ESRRG: variants seen among roughly 807,000 people sequenced by gnomAD.
ESRRG encodes estrogen related receptor gamma.
A neutral mutation model predicts 44.0 loss-of-function variants in ESRRG; 13 were observed. That is an observed-to-expected ratio of 0.30 (90% CI 0.19 to 0.47). The LOEUF is 0.47. Ranked by LOEUF, ESRRG falls within the 20% of genes least tolerant of loss-of-function variation. The probability of loss-of-function intolerance (pLI) is 1.00; values close to 1 mark genes in which losing one functional copy is unlikely to be tolerated. For missense variants in ESRRG, 395 were observed against 580.6 expected, an observed-to-expected ratio of 0.68 and a Z score of 3.29; for synonymous variants, 215 against 214.6, an observed-to-expected ratio of 1.00 and a Z score of -0.02.
chr1:216,976,719 C>T (rs1015344272), intron 1 of ESRRG, among the ~76,000 whole-genome samples: 1 of 151,946 alleles, frequency 6.6e-6, no homozygotes, highest in African/African-American at 2.4e-5. Context: ...ATTTTTATTA[C>T]CCTTCAGTGA....
intron 1 of ESRRG, among the ~76,000 whole-genome samples, chr1:216,712,759 G>A (rs889358604): frequency 1.3e-5 from 2 of 152,078 alleles, no homozygotes; most frequent in African/African-American, 2.4e-5. Flanking sequence ...TGAAACCTTT[G>A]AGCAACAGCT....
chr1:217,061,632 G>C (rs2088524888), intron 1 of ESRRG, among the ~76,000 whole-genome samples: 1 of 152,100 alleles, frequency 6.6e-6, no homozygotes, highest in East Asian at 1.9e-4. Context: ...CTCCAAGATA[G>C]TTTCTTTATT....
chr1:216,865,889 T>C (rs866661172), intron 2 of ESRRG, among the ~76,000 whole-genome samples: 10 of 152,318 alleles, frequency 6.6e-5, no homozygotes, highest in African/African-American at 2.2e-4. Context: ...ACATTCTTTT[T>C]TCCTATATTG....
chr1:216,676,454 A>G (rs1030208248), intron 2 of ESRRG, among the ~76,000 whole-genome samples: 6 of 152,168 alleles, frequency 3.9e-5, no homozygotes, highest in Non-Finnish European at 7.3e-5. Flanking sequence ...ATCCAACCAT[A>G]AGGAAAAAAG....
intron 2 of ESRRG, among the ~76,000 whole-genome samples, chr1:216,781,836 G>T (rs1372369156): frequency 3.3e-5 from 5 of 151,998 alleles, no homozygotes; most frequent in Non-Finnish European, 5.9e-5. Flanking sequence ...GTAGCAGGCA[G>T]ATTGGCCAGT....
upstream of ESRRG, among the ~76,000 whole-genome samples, chr1:216,723,858 C>G (rs1049929311): frequency 2.6e-5 from 4 of 152,048 alleles, no homozygotes; most frequent in African/African-American, 9.7e-5. Context: ...AGAACTCACG[C>G]AGACTCTCAG....
intron 1 of ESRRG, among the ~76,000 whole-genome samples, chr1:216,955,259 T>G (rs577230258): frequency 1.3e-5 from 2 of 152,278 alleles, no homozygotes; most frequent in African/African-American, 4.8e-5. Flanking sequence ...AACTCAATAC[T>G]TTTAATCTCC....
chr1:216,899,631 T>C (rs2058831618), intron 2 of ESRRG, among the ~76,000 whole-genome samples: 1 of 152,204 alleles, frequency 6.6e-6, no homozygotes, highest in African/African-American at 2.4e-5. Context: ...GTGGCAGTTA[T>C]AGGGGCTCTG....
At chr1:216,937,928 T>C (rs963347705) in intron 2 of ESRRG, among the ~76,000 whole-genome samples, 2 of 149,988 alleles carry the variant, frequency 1.3e-5, no homozygotes, top group African/African-American at 5.0e-5. Flanking sequence ...TTTTTTTTTT[T>C]CTTTACGTAC....
intron 2 of ESRRG, among the ~76,000 whole-genome samples, chr1:216,809,151 T>C (rs914829308): frequency 6.6e-6 from 1 of 152,116 alleles, no homozygotes; most frequent in Non-Finnish European, 1.5e-5. Context: ...TTGCCAATGT[T>C]AGTGATAAGT....
chr1:216,644,016 G>A (rs1397056921), intron 3 of ESRRG, among the ~76,000 whole-genome samples: 3 of 152,106 alleles, frequency 2.0e-5, no homozygotes, highest in South Asian at 2.1e-4. Context: ...ATACAGGAAG[G>A]TCCTAGGCAT....
chr1:217,042,642 G>A (rs961160937), intron 1 of ESRRG, among the ~76,000 whole-genome samples: 18 of 151,812 alleles, frequency 1.2e-4, no homozygotes, highest in African/African-American at 1.9e-4. Flanking sequence ...AAACAGTATC[G>A]GTATAAGTGT....
chr1:217,084,375 A>T (rs2091953191), intron 1 of ESRRG, among the ~76,000 whole-genome samples: 1 of 152,194 alleles, frequency 6.6e-6, no homozygotes, highest in African/African-American at 2.4e-5. Flanking sequence ...AAATTTGCTT[A>T]CAACCTATAA....
chr1:216,767,432 T>C (rs1249434950), intron 2 of ESRRG, among the ~76,000 whole-genome samples: 1 of 152,134 alleles, frequency 6.6e-6, no homozygotes, highest in Non-Finnish European at 1.5e-5. Context: ...GCAATGTTTA[T>C]CATGGGTTAT....
chr1:216,716,260 AT>A (rs962822068), intron 1 of ESRRG, among the ~76,000 whole-genome samples: 57 of 151,884 alleles, frequency 3.8e-4, no homozygotes, highest in Non-Finnish European at 6.0e-4. Context: ...AACCTAATTT[AT>A]TTTTTTCTTG....
Position 217,021,049 on chromosome 1 carries a change from T to TACACACACACACAC in ESRRG, c.-106+68444_-106+68457dup, listed in dbSNP as rs10655764. On this transcript the variant is annotated intron_variant, in intron 1 of 7. Coordinates refer to the ESRRG transcript ENST00000359162. Reference sequence around the variant, plus strand: ...CCCCATCCCCCAACCCTGCCATGCATACACACACACACACACACACACACA... The same window carrying TACACACACACACAC: ...CCCCATCCCCCAACCCTGCCATGCATACACACACACACACACACACACACACACACACACACACA... Among the ~76,000 whole-genome samples, 364 of 145,408 alleles carry TACACACACACACAC rather than the reference T, an allele frequency of 2.5e-3. 3 individuals are homozygous for TACACACACACACAC. The highest frequency in any genetic ancestry group is 3.6e-3 in the Admixed American group (53 of 14,524).
chr1:216,545,435 G>A (rs748368355), intron 5 of ESRRG, among the ~76,000 whole-genome samples: 14 of 151,706 alleles, frequency 9.2e-5, no homozygotes, highest in Non-Finnish European at 1.6e-4. Context: ...CAATGCATAC[G>A]TTCTAAAAAT....
chr1:216,579,266 T>C (rs2062268592), intron 3 of ESRRG, among the ~76,000 whole-genome samples: 1 of 152,168 alleles, frequency 6.6e-6, no homozygotes, highest in Non-Finnish European at 1.5e-5. Context: ...TTTATTTTGC[T>C]ACTCTGAGCA....
At chr1:216,990,781 C>T (rs185236538) in intron 1 of ESRRG, among the ~76,000 whole-genome samples, 93 of 151,980 alleles carry the variant, frequency 6.1e-4, no homozygotes, top group African/African-American at 2.1e-3. Context: ...TGTGTTGAAC[C>T]ATGTTTATTT....
Sources: allele counts gnomAD v4.1 joint callset (sites outside exome capture counted in the v4.1 genomes callset), GRCh38; gene constraint gnomAD v4.1.1; transcripts MANE v1.5; gene names NCBI Gene and HGNC (gene_info 2026-07-23, HGNC 2026-07-21).